Variants in FER observed in about 807,000 individuals in gnomAD.
The protein encoded by FER is FER tyrosine kinase.
A neutral mutation model predicts 111.0 loss-of-function variants in FER; 63 were observed. The observed-to-expected ratio is 0.57, with a 90% CI of 0.46 to 0.70. FER has a LOEUF of 0.70. FER is among the 30% of genes least tolerant of loss of function. The pLI, the probability that FER is intolerant of heterozygous loss-of-function variation, is 0.00. For missense variants in FER, 914 were observed against 954.0 expected, an observed-to-expected ratio of 0.96 and a Z score of 0.55; for synonymous variants, 327 against 313.9, an observed-to-expected ratio of 1.04 and a Z score of -0.44.
At chr5:108,923,707 T>G (rs1753344534) in intron 10 of FER, among the ~76,000 whole-genome samples, 1 of 152,202 alleles carries the variant, frequency 6.6e-6, no homozygotes, top group African/African-American at 2.4e-5. Context: ...CCACTCTACT[T>G]CCTCTCTAGC....
chr5:109,164,264 T>TG (rs1216426652), intron 17 of FER, among the ~76,000 whole-genome samples: 1 of 152,158 alleles, frequency 6.6e-6, no homozygotes, highest in East Asian at 1.9e-4. Context: ...GCTGGCATAG[T>TG]GTGTTACTCC....
chr5:108,920,759 A>G (rs1042539190), intron 10 of FER, among the ~76,000 whole-genome samples: 2 of 152,146 alleles, frequency 1.3e-5, no homozygotes, highest in Non-Finnish European at 2.9e-5. Context: ...TATTTTCTGT[A>G]TAATAACTTG....
chr5:109,051,171 G>A (rs997500176), intron 16 of FER: 12 of 662,546 alleles, frequency 1.8e-5, no homozygotes, highest in Non-Finnish European at 3.0e-5. Context: ...GTATTCTAAT[G>A]TCTTTGTGTT....
At chr5:108,769,389 C>T (rs185839976) in intron 2 of FER, among the ~76,000 whole-genome samples, 18 of 151,906 alleles carry the variant, frequency 1.2e-4, no homozygotes, top group Admixed American at 1.0e-3. Context: ...ATTTGAGGGA[C>T]CAAAAAATAC....
In FER at chr5:108,832,956, A is replaced by T; in HGVS notation, c.381+13A>T. ...AGAGATGATCAAGGTTCGTTTTTCC[A>T]TATTGAAGTTCTTTCTTGAAATTGT... On this transcript the variant is annotated intron_variant, in intron 4 of 19. Transcript: ENST00000281092. The T allele has an allele frequency of 6.6e-7, 1 of 1,525,190 alleles. No individual in the cohort carries two copies. Among genetic ancestry groups the T allele is most frequent in the Non-Finnish European group, 8.8e-7 (1 of 1,133,546 alleles). The allele number at this position is 1,525,190 out of a possible 1,614,324, so 94.5% of individuals were successfully genotyped here.
At chr5:109,170,560 A>G (rs1237671728) in intron 17 of FER, among the ~76,000 whole-genome samples, 2 of 152,094 alleles carry the variant, frequency 1.3e-5, no homozygotes, top group Non-Finnish European at 2.9e-5. Context: ...TATGCCTCTG[A>G]GTGTGATTGT....
chr5:109,096,015 C>A (rs750260973), intron 16 of FER, among the ~76,000 whole-genome samples: 5 of 152,000 alleles, frequency 3.3e-5, no homozygotes, highest in Non-Finnish European at 4.4e-5. Flanking sequence ...GACAAGAAGT[C>A]ATTAGTGGCA....
At chr5:108,772,674 G>T (rs1753054262) in intron 2 of FER, among the ~76,000 whole-genome samples, 2 of 152,036 alleles carry the variant, frequency 1.3e-5, no homozygotes, top group Non-Finnish European at 1.5e-5. Context: ...ATTGGCTGTG[G>T]TTTTTACATT....
At chr5:108,867,399 A>T (rs564104756) in intron 5 of FER, among the ~76,000 whole-genome samples, 1 of 152,110 alleles carries the variant, frequency 6.6e-6, no homozygotes, top group Admixed American at 6.6e-5. Flanking sequence ...AGACCTCAAA[A>T]TTTAACATTA....
At chr5:108,987,372 G>A (rs186990621) in intron 13 of FER, among the ~76,000 whole-genome samples, 1 of 152,210 alleles carries the variant, frequency 6.6e-6, no homozygotes, top group African/African-American at 2.4e-5. Flanking sequence ...CTTGAACCTG[G>A]GAGGTGGAGG....
intron 17 of FER, among the ~76,000 whole-genome samples, chr5:109,153,457 A>G (rs1304856174): frequency 6.6e-6 from 1 of 151,928 alleles, no homozygotes; most frequent in Non-Finnish European, 1.5e-5. Context: ...AACTAGGGAA[A>G]AAAAGGTTTG....
At chr5:109,172,421 G>T (rs1757215793) in intron 17 of FER, among the ~76,000 whole-genome samples, 1 of 141,818 alleles carries the variant, frequency 7.1e-6, no homozygotes, top group Admixed American at 7.4e-5. Context: ...ACTCATAGGT[G>T]GGAATTGAAC....
chr5:108,791,220 C>G (rs1266479580), intron 2 of FER, among the ~76,000 whole-genome samples: 1 of 152,134 alleles, frequency 6.6e-6, no homozygotes, highest in Non-Finnish European at 1.5e-5. Flanking sequence ...CAGGAACTGC[C>G]AAACTCTTTT....
intron 13 of FER, among the ~76,000 whole-genome samples, chr5:109,016,996 T>A (rs1223109189): frequency 6.6e-6 from 1 of 152,018 alleles, no homozygotes; most frequent in African/African-American, 2.4e-5. Flanking sequence ...CAGTCTGCAA[T>A]CCAGTGAGAA....
At position 109,105,053 on chromosome 5, in the gene FER, T is replaced by G. The variant is rs28668572; in HGVS notation, c.2048+4534T>G. Among the ~76,000 whole-genome samples the G allele has an allele frequency of 8.4e-3, 1,276 of 152,238 alleles. 18 individuals carry two copies. Among genetic ancestry groups the G allele is most frequent in the African/African-American group, 0.029 (1,190 of 41,548 alleles). Reference sequence around the variant, plus strand: ...CCACCGCGCCCGGCCAAGACTAATATTATTCTTAAGCTTCATTGGGAAAAC... The same window carrying G: ...CCACCGCGCCCGGCCAAGACTAATAGTATTCTTAAGCTTCATTGGGAAAAC... On this transcript the variant is annotated intron_variant, in intron 17 of 19. Coordinates refer to ENST00000281092, the MANE Select transcript of FER (RefSeq NM_005246.4).
At chr5:109,137,571 G>A (rs1288906101) in intron 17 of FER, among the ~76,000 whole-genome samples, 1 of 152,124 alleles carries the variant, frequency 6.6e-6, no homozygotes, top group African/African-American at 2.4e-5. Flanking sequence ...GTATCCAAGG[G>A]GAAATCTAGC....
chr5:109,077,297 T>G (rs755678111), intron 16 of FER, among the ~76,000 whole-genome samples: 2 of 152,190 alleles, frequency 1.3e-5, no homozygotes, highest in Non-Finnish European at 2.9e-5. Context: ...CTTTCTTAGA[T>G]TTTTACATCA....
At chr5:109,015,706 A>G (rs946181255) in intron 13 of FER, among the ~76,000 whole-genome samples, 15 of 152,066 alleles carry the variant, frequency 9.9e-5, no homozygotes, top group African/African-American at 3.4e-4. Context: ...TCAAAATTAA[A>G]TGGAATCATG....
intron 13 of FER, among the ~76,000 whole-genome samples, chr5:108,965,228 A>G (rs58642014): frequency 0.067 from 10,158 of 152,210 alleles, 778 homozygotes; most frequent in African/African-American, 0.19. Flanking sequence ...ATTTGAGCAC[A>G]GAGAATCCAT....
Sources: allele counts gnomAD v4.1 joint callset (sites outside exome capture counted in the v4.1 genomes callset), GRCh38; gene constraint gnomAD v4.1.1; transcripts MANE v1.5; gene names NCBI Gene and HGNC (gene_info 2026-07-23, HGNC 2026-07-21).